Variants in SLC28A1 observed in about 807,000 individuals in gnomAD.
SLC28A1 encodes solute carrier family 28 member 1, also known as sodium/nucleoside cotransporter 1.
A neutral mutation model predicts 74.8 loss-of-function variants in SLC28A1; 64 were observed. That is an observed-to-expected ratio of 0.86 (90% CI 0.70 to 1.05). SLC28A1 has a LOEUF of 1.05. SLC28A1 is among the 50% of genes least tolerant of loss of function. The pLI is 0.00. For missense variants in SLC28A1, 828 were observed against 822.8 expected, an observed-to-expected ratio of 1.01 and a Z score of -0.08; for synonymous variants, 359 against 335.0, an observed-to-expected ratio of 1.07 and a Z score of -0.78.
the SLC28A1 span, among the ~76,000 whole-genome samples, chr15:84,973,112 AG>A: frequency 2.0e-5 from 3 of 152,076 alleles, no homozygotes; most frequent in African/African-American, 7.2e-5. Context: ...TTTTCCACTT[AG>A]CCCCTTGTTT....
chr15:84,928,578 CTTTCTTT>C (rs1970829309), intron 12 of SLC28A1, among the ~76,000 whole-genome samples: 1 of 24,366 alleles, frequency 4.1e-5, no homozygotes, highest in African/African-American at 4.2e-4. Flanking sequence ...TTCTTTCTTT[CTTTCTTT>C]CTTTCTTTCT....
chr15:84,926,271 T>C (rs1970501529), intron 12 of SLC28A1, among the ~76,000 whole-genome samples: 1 of 151,862 alleles, frequency 6.6e-6, no homozygotes, highest in African/African-American at 2.4e-5. Flanking sequence ...CAATTACAGC[T>C]CACCATAGCC....
chr15:84,956,371 A>T, the SLC28A1 span, among the ~76,000 whole-genome samples: 18 of 151,912 alleles, frequency 1.2e-4, no homozygotes, highest in Admixed American at 1.2e-3. Flanking sequence ...GCATATTATC[A>T]TTACATTTCC....
chr15:84,952,225 G>C, the SLC28A1 span, among the ~76,000 whole-genome samples: 2 of 152,208 alleles, frequency 1.3e-5, no homozygotes, highest in Non-Finnish European at 2.9e-5. Flanking sequence ...ACAAGGAAGA[G>C]ATGATCCCAC....
chr15:84,956,480 T>TTTCTTTCTTTCTTTCC, the SLC28A1 span, among the ~76,000 whole-genome samples: 28 of 136,420 alleles, frequency 2.1e-4, no homozygotes, highest in African/African-American at 7.4e-4. Flanking sequence ...TCTTTCTTTC[T>TTTCTTTCTTTCTTTCC]TTCTTTCTTT....
the SLC28A1 span, among the ~76,000 whole-genome samples, chr15:84,959,336 C>T: frequency 6.6e-6 from 1 of 152,090 alleles, no homozygotes; most frequent in Admixed American, 6.5e-5. Flanking sequence ...AACTCCTGGC[C>T]TCAAGTGATC....
At chr15:84,895,809 A>G in intron 6 of SLC28A1, 2 of 1,138,676 alleles carry the variant, frequency 1.8e-6, no homozygotes, top group Non-Finnish European at 2.2e-6. Flanking sequence ...CCACCAGTCT[A>G]TTTCAATACT....
Position 84,945,402 on chromosome 15 carries a change from C to A in SLC28A1, c.*202C>A, listed in dbSNP as rs1299381650. 2 of 608,938 alleles carry A rather than the reference C, an allele frequency of 3.3e-6. No homozygotes were observed. The highest frequency in any genetic ancestry group is 6.0e-6 in the Non-Finnish European group (2 of 333,064). 37.7% of individuals were successfully genotyped at this position (608,938 alleles called of 1,614,324 possible). A position where few individuals can be genotyped will look rare whatever the true frequency, so the allele number is the denominator to read the frequency against. On this transcript the variant is annotated 3_prime_UTR_variant, in exon 19 of 19. Coordinates refer to ENST00000394573, the MANE Select transcript of SLC28A1 (RefSeq NM_004213.5). ...TAAGGAAGGACATGTCCCACTCCAT[C>A]CCCCTTCCTGCTCCCCCATTTCCTA...
chr15:84,931,961 C>T (rs1241866264), intron 12 of SLC28A1, among the ~76,000 whole-genome samples: 7 of 151,826 alleles, frequency 4.6e-5, no homozygotes, highest in Non-Finnish European at 7.4e-5. Context: ...AAGATTGTAC[C>T]GCTGCACTCC....
chr15:84,899,885 C>G (rs1012082234), intron 6 of SLC28A1, among the ~76,000 whole-genome samples: 10 of 122,914 alleles, frequency 8.1e-5, no homozygotes, highest in African/African-American at 2.6e-4. Flanking sequence ...GAGGGAGATA[C>G]TAAGGCAGAA....
chr15:84,919,301 G>A (rs1163782521), intron 10 of SLC28A1, among the ~76,000 whole-genome samples: 1 of 152,202 alleles, frequency 6.6e-6, no homozygotes, highest in Non-Finnish European at 1.5e-5. Context: ...GATAGCATTG[G>A]ACTTGGCAAA....
the SLC28A1 span, among the ~76,000 whole-genome samples, chr15:84,974,096 G>A: frequency 6.6e-6 from 1 of 152,072 alleles, no homozygotes; most frequent in East Asian, 1.9e-4. Context: ...AGAAAAGGAG[G>A]GTCACTTTGG....
chr15:84,942,280 C>G (rs1057263413), intron 15 of SLC28A1, among the ~76,000 whole-genome samples: 1 of 152,130 alleles, frequency 6.6e-6, no homozygotes, highest in Admixed American at 6.5e-5. Flanking sequence ...CTTTGTGTTA[C>G]AAACAATCCA....
At chr15:84,935,595 C>A in intron 15 of SLC28A1, 77 bp downstream of exon 15, 2 of 1,265,452 alleles carry the variant, frequency 1.6e-6, no homozygotes, top group Non-Finnish European at 2.3e-6. Flanking sequence ...GGCAGCTGCT[C>A]TCCCGCTCCC....
At chr15:84,946,744 C>G (rs571877321), downstream of SLC28A1, among the ~76,000 whole-genome samples, 1 of 152,144 alleles carries the variant, frequency 6.6e-6, no homozygotes, top group Non-Finnish European at 1.5e-5. Flanking sequence ...CCTCCCCACC[C>G]CAAGCCCTCT....
intron 6 of SLC28A1, 21 bp downstream of exon 6, chr15:84,895,144 G>A (rs200805046): frequency 8.1e-6 from 13 of 1,613,282 alleles, no homozygotes; most frequent in South Asian, 4.4e-5. Context: ...TCACAGCCCC[G>A]AGGCAGGGCA....
At chr15:84,953,758 A>G in the SLC28A1 span, among the ~76,000 whole-genome samples, 2 of 152,208 alleles carry the variant, frequency 1.3e-5, no homozygotes, top group South Asian at 4.1e-4. Context: ...TATAATAGTG[A>G]AAGTACTGGA....
intron 15 of SLC28A1, among the ~76,000 whole-genome samples, chr15:84,939,009 A>G (rs1366989717): frequency 1.3e-5 from 2 of 152,182 alleles, no homozygotes; most frequent in African/African-American, 4.8e-5. Flanking sequence ...TGAAGATTTG[A>G]CATTTTGAAT....
chr15:84,911,132 C>G (rs1472434108), intron 9 of SLC28A1, among the ~76,000 whole-genome samples: 4 of 152,064 alleles, frequency 2.6e-5, no homozygotes, highest in Non-Finnish European at 5.9e-5. Flanking sequence ...GAGCGCCTTC[C>G]CCCGCCCACC....
Sources: gnomAD v4.1 joint callset for allele counts (sites outside exome capture counted in the v4.1 genomes callset) on GRCh38, gnomAD v4.1.1 for gene constraint, MANE v1.5 for transcripts, NCBI Gene and HGNC (gene_info 2026-07-23, HGNC 2026-07-21) for gene names.